Variants in LOXL2 observed in about 807,000 individuals in gnomAD.
LOXL2 encodes the protein lysyl oxidase like 2, also known as lysyl oxidase homolog 2.
Under a neutral mutation model 93.0 loss-of-function variants are expected in LOXL2, and 70 were observed. The observed-to-expected ratio is 0.75, with a 90% confidence interval of 0.62 to 0.92. The LOEUF (loss-of-function observed/expected upper bound fraction) is 0.92, where lower values mean the gene tolerates loss of function less well. LOXL2 is among the 40% of genes least tolerant of loss of function. The pLI is 0.00. For missense variants in LOXL2, 973 were observed against 1,054.9 expected (o/e 0.92, Z 1.08); for synonymous variants, 438 against 413.2 (o/e 1.06, Z -0.73).
intron 1 of LOXL2, among the ~76,000 whole-genome samples, chr8:23,377,984 A>G (rs4872118): frequency 0.54 from 82,621 of 152,012 alleles, 23,287 homozygotes; most frequent in East Asian, 0.78. Context: ...CTGTCATTAT[A>G]ATGTTAGCTG....
chr8:23,332,176 TCA>T (rs1199663769), intron 5 of LOXL2, among the ~76,000 whole-genome samples: 38 of 146,436 alleles, frequency 2.6e-4, no homozygotes, highest in African/African-American at 5.0e-4. Context: ...TCACACTCTC[TCA>T]CACACACACA....
chr8:23,389,725 C>T (rs1320292242), intron 1 of LOXL2, among the ~76,000 whole-genome samples: 1 of 152,192 alleles, frequency 6.6e-6, no homozygotes, highest in Non-Finnish European at 1.5e-5. Context: ...TCATAACTGT[C>T]CCCTTCCCTA....
At chr8:23,349,660 C>G (rs892597202) in intron 3 of LOXL2, among the ~76,000 whole-genome samples, 1 of 151,990 alleles carries the variant, frequency 6.6e-6, no homozygotes, top group Admixed American at 6.6e-5. Flanking sequence ...CTATCTTGCA[C>G]TAGGGTTTAC....
At chr8:23,305,268 A>G (rs1340944254) in intron 10 of LOXL2, among the ~76,000 whole-genome samples, 2 of 152,204 alleles carry the variant, frequency 1.3e-5, no homozygotes, top group African/African-American at 4.8e-5. Flanking sequence ...GCGCACAGAC[A>G]GACTCTTGTA....
Position 23,311,039 on chromosome 8 carries a change from A to AT in LOXL2, c.1637-1129dup, listed in dbSNP as rs566640124. Among the ~76,000 whole-genome samples, 27 of 152,222 alleles carry AT rather than the reference A, an allele frequency of 1.8e-4. No homozygotes were observed. In the East Asian group the frequency reaches 4.8e-3, roughly 27 times the overall value. Reference sequence around the variant, plus strand: ...TTTTATTTTGACAAGTTGCTTGTAAATTTTTTTCCCCCTAGACTGCTTTGC... The same window carrying AT: ...TTTTATTTTGACAAGTTGCTTGTAAATTTTTTTTCCCCCTAGACTGCTTTGC... On this transcript the variant is annotated intron_variant, in intron 9 of 13. Transcript: ENST00000389131.
At chr8:23,354,261 T>G (rs1804145234) in intron 3 of LOXL2, among the ~76,000 whole-genome samples, 1 of 152,090 alleles carries the variant, frequency 6.6e-6, no homozygotes, top group South Asian at 2.1e-4. Flanking sequence ...TTAATGAGGG[T>G]GAATGTTACA....
At position 23,368,085 on chromosome 8, in the gene LOXL2, G is replaced by T. The variant is rs768921835; in HGVS notation, c.267C>A (p.Ser89=). ...GGCAGACGACGTGGGCAGCGTGGAT[G>T]GAGAAGTCGTCATCGCACACGGTGC... The part of the protein sequence containing the change: ...QWGTVCDDDF[S]IHAAHVVCRE... Residue 89 remains serine (S), a synonymous_variant, in exon 2 of 14, where the codon TCC becomes TCA. Coordinates refer to ENST00000389131, the MANE Select transcript of LOXL2 (RefSeq NM_002318.3). 3.7e-6 allele frequency: 6 copies of T among 1,613,986 alleles called. No individual in the cohort carries two copies. In the Admixed American group the frequency reaches 1.0e-4, roughly 27 times the overall value.
chr8:23,324,843 T>C (rs887976645), intron 6 of LOXL2, among the ~76,000 whole-genome samples: 1 of 152,208 alleles, frequency 6.6e-6, no homozygotes, highest in African/African-American at 2.4e-5. Context: ...GAGAACAGAA[T>C]AGGACATGTC....
intron 3 of LOXL2, among the ~76,000 whole-genome samples, chr8:23,356,159 T>C (rs1358228723): frequency 6.6e-6 from 1 of 152,196 alleles, no homozygotes; most frequent in African/African-American, 2.4e-5. Flanking sequence ...CCATGAACAT[T>C]CCTGATACAT....
intron 1 of LOXL2, among the ~76,000 whole-genome samples, chr8:23,394,915 A>G (rs1015527539): frequency 9.9e-5 from 15 of 152,182 alleles, no homozygotes; most frequent in African/African-American, 3.4e-4. Flanking sequence ...ATACAATAGA[A>G]TATTATTCGG....
chr8:23,301,706 G>A (rs909360802), intron 12 of LOXL2, among the ~76,000 whole-genome samples: 6 of 152,194 alleles, frequency 3.9e-5, no homozygotes, highest in Non-Finnish European at 8.8e-5. Context: ...GGTGTGGGTT[G>A]CCTGAGCATG....
At chr8:23,346,374 G>C (rs1803985090) in intron 3 of LOXL2, among the ~76,000 whole-genome samples, 1 of 152,026 alleles carries the variant, frequency 6.6e-6, no homozygotes, top group Non-Finnish European at 1.5e-5. Context: ...GAAACTCCAG[G>C]ATGTGTGGTC....
At chr8:23,386,189 C>T (rs994228445) in intron 1 of LOXL2, 10 of 607,512 alleles carry the variant, frequency 1.6e-5, no homozygotes, top group South Asian at 3.8e-5. Context: ...GTCAGGAGTT[C>T]GAGACCAGCC....
At chr8:23,349,073 C>G (rs1804046283) in intron 3 of LOXL2, among the ~76,000 whole-genome samples, 1 of 152,166 alleles carries the variant, frequency 6.6e-6, no homozygotes, top group African/African-American at 2.4e-5. Flanking sequence ...GTGACCCTCT[C>G]TCTTCTTCAC....
At chr8:23,401,949 C>G (rs1488326459) in intron 1 of LOXL2, among the ~76,000 whole-genome samples, 1 of 152,260 alleles carries the variant, frequency 6.6e-6, no homozygotes, top group Non-Finnish European at 1.5e-5. Context: ...TGACCTTAGA[C>G]TAAGTCACTT....
At chr8:23,308,296 GCA>G (rs1803264956) in intron 10 of LOXL2, among the ~76,000 whole-genome samples, 1 of 152,192 alleles carries the variant, frequency 6.6e-6, no homozygotes, top group Non-Finnish European at 1.5e-5. Context: ...CCTGCCAAAT[GCA>G]GATGCTGATG....
At chr8:23,359,103 C>T (rs1026534186) in intron 3 of LOXL2, among the ~76,000 whole-genome samples, 7 of 152,058 alleles carry the variant, frequency 4.6e-5, no homozygotes, top group Non-Finnish European at 1.0e-4. Context: ...CTGCCCGCCT[C>T]GGCCTCCCAA....
At chr8:23,305,141 A>G (rs1803209317) in intron 10 of LOXL2, among the ~76,000 whole-genome samples, 1 of 152,220 alleles carries the variant, frequency 6.6e-6, no homozygotes, top group Non-Finnish European at 1.5e-5. Flanking sequence ...GGTCTGACTC[A>G]CTGCCTAAAA....
intron 6 of LOXL2, among the ~76,000 whole-genome samples, chr8:23,328,072 A>ACG (rs1803611552): frequency 6.6e-6 from 1 of 152,136 alleles, no homozygotes; most frequent in Non-Finnish European, 1.5e-5. Flanking sequence ...GTAAGACAGC[A>ACG]GAGAGCACTG....
Sources: gnomAD v4.1 joint callset for allele counts (sites outside exome capture counted in the v4.1 genomes callset) on GRCh38, gnomAD v4.1.1 for gene constraint, MANE v1.5 for transcripts, NCBI Gene and HGNC (gene_info 2026-07-23, HGNC 2026-07-21) for gene names.